Variants in CLEC2B observed in about 807,000 individuals in gnomAD.
The protein encoded by CLEC2B is C-type lectin domain family 2 member B.
In CLEC2B, 14 loss-of-function variants were observed where a neutral mutation model predicts 16.2. The observed-to-expected ratio is 0.86, with a 90% confidence interval of 0.57 to 1.35. CLEC2B has a LOEUF of 1.35. Ranked by LOEUF, CLEC2B falls within the 40% of genes most tolerant of loss-of-function variation. The pLI is 0.00. For synonymous variants in CLEC2B, 42 were observed against 55.8 expected (o/e 0.75, Z 1.10); for missense variants, 166 against 182.3 (o/e 0.91, Z 0.52).
intron 1 of CLEC2B, among the ~76,000 whole-genome samples, chr12:9,865,735 A>G (rs998309107): frequency 1.8e-4 from 28 of 152,200 alleles, no homozygotes; most frequent in African/African-American, 6.5e-4. Context: ...AGCATTCTCC[A>G]GAACAGACCA....
At chr12:9,866,298 A>T (rs1867969741) in intron 1 of CLEC2B, among the ~76,000 whole-genome samples, 1 of 152,128 alleles carries the variant, frequency 6.6e-6, no homozygotes, top group South Asian at 2.1e-4. Context: ...TAAATATGTC[A>T]GTATGTCATT....
At position 9,853,085 on chromosome 12, in the gene CLEC2B, G is replaced by GAAAGAAAGAAAGAAAGAA. The variant is rs1555123321; in HGVS notation, c.*214_*215insTTCTTTCTTTCTTTCTTT. Reference sequence around the variant, plus strand: ...AGAAAGAAAGAAAGAAAGAAAGAAAGAGAGAGAGAGAAAGAAAGAAAGAAA... The same window carrying GAAAGAAAGAAAGAAAGAA: ...AGAAAGAAAGAAAGAAAGAAAGAAAGAAAGAAAGAAAGAAAGAAAGAGAGAGAGAAAGAAAGAAAGAAA... On this transcript the variant is annotated 3_prime_UTR_variant, in exon 5 of 5. Coordinates refer to ENST00000228438, the MANE Select transcript of CLEC2B (RefSeq NM_005127.3). The GAAAGAAAGAAAGAAAGAA allele has an allele frequency of 1.4e-4, 44 of 316,058 alleles. No individual in the cohort carries two copies. Among genetic ancestry groups the GAAAGAAAGAAAGAAAGAA allele is most frequent in the Admixed American group, 2.2e-4 (4 of 18,372 alleles). 19.6% of individuals were successfully genotyped at this position (316,058 alleles called of 1,614,324 possible).
intron 3 of CLEC2B, chr12:9,857,192 A>G (rs1172279284): frequency 8.6e-6 from 2 of 231,624 alleles, no homozygotes; most frequent in Non-Finnish European, 1.7e-5. Context: ...TTGGTGGAGT[A>G]TTGGCTCTTA....
chr12:9,861,078 C>T (rs1867929397), intron 2 of CLEC2B, among the ~76,000 whole-genome samples: 1 of 151,866 alleles, frequency 6.6e-6, no homozygotes, highest in Admixed American at 6.6e-5. Flanking sequence ...GAGAAAGACA[C>T]AATTACACTA....
intron 1 of CLEC2B, among the ~76,000 whole-genome samples, chr12:9,863,072 A>G (rs920446306): frequency 6.6e-6 from 1 of 152,128 alleles, no homozygotes; most frequent in African/African-American, 2.4e-5. Context: ...GTCAACTTAG[A>G]GTGGCTGTCG....
At chr12:9,857,701 A>C (rs2136978042) in intron 2 of CLEC2B, 64 bp from the exon 3 acceptor site, 1 of 1,235,564 alleles carries the variant, frequency 8.1e-7, no homozygotes. Context: ...GTGTTTTGAG[A>C]TCACTGGACA....
intron 1 of CLEC2B, among the ~76,000 whole-genome samples, chr12:9,863,567 T>G (rs1374778880): frequency 4.6e-5 from 7 of 152,026 alleles, no homozygotes. Flanking sequence ...AAAAAACAAT[T>G]CAGAAATATA....
intron 4 of CLEC2B, 80 bp downstream of exon 4, chr12:9,854,301 G>C: frequency 3.4e-6 from 3 of 875,330 alleles, no homozygotes; most frequent in South Asian, 3.3e-5. Context: ...TTGGGCTCTA[G>C]AGAAATTTAG....
chr12:9,861,765 T>A (rs190363310), intron 2 of CLEC2B, among the ~76,000 whole-genome samples: 6 of 152,162 alleles, frequency 3.9e-5, no homozygotes, highest in African/African-American at 1.4e-4. Flanking sequence ...AAAAATAATT[T>A]TTACATTTTA....
Position 9,856,070 on chromosome 12 carries a change from C to T in CLEC2B, c.237+1404G>A, listed in dbSNP as rs114673590. 3.6e-3 allele frequency among the ~76,000 whole-genome samples: 547 copies of T among 152,060 alleles called. 1 individual carries two copies. Among genetic ancestry groups the T allele is most frequent in the African/African-American group, 0.013 (519 of 41,516 alleles). On this transcript the variant is annotated intron_variant, in intron 3 of 4. Transcript: ENST00000228438. ...CATCCAAACAGTACAAGCATTCTTCCCTGATACATTTGAAGATTTCTCTTA... is the reference window on the plus strand; with the variant it reads ...CATCCAAACAGTACAAGCATTCTTCTCTGATACATTTGAAGATTTCTCTTA...
At position 9,863,388 on chromosome 12, in the gene CLEC2B, C is replaced by T. The variant is rs1410247377; in HGVS notation, c.-2-815G>A. Among the ~76,000 whole-genome samples, 3 of 151,994 alleles carry T rather than the reference C, an allele frequency of 2.0e-5. No homozygotes were observed. In the South Asian group the frequency reaches 6.2e-4, roughly 32 times the overall value. On this transcript the variant is annotated intron_variant, in intron 1 of 4. Transcript: ENST00000228438. ...CATATAAAATCCTTCAACACAAAGA[C>T]ATAGATGCATATCCATAAGAAACAA... is the stretch of plus-strand genomic sequence containing the variant.
At position 9,853,203 on chromosome 12, in the gene CLEC2B, GTACAAAACTCGAACTTTGTTTAA is replaced by G. The variant is rs1467851220; in HGVS notation, c.*74_*96del. On this transcript the variant is annotated 3_prime_UTR_variant, in exon 5 of 5. Coordinates refer to ENST00000228438, the MANE Select transcript of CLEC2B (RefSeq NM_005127.3). ...CACGTAAGCAGAATTAACCAGACAG[GTACAAAACTCGAACTTTGTTTAA>G]TTAAAAAAGTACTTTGCTGGTTTTA... 3 of 937,908 alleles carry G rather than the reference GTACAAAACTCGAACTTTGTTTAA, an allele frequency of 3.2e-6. No individual in the cohort carries two copies. Among genetic ancestry groups the G allele is most frequent in the African/African-American group, 3.3e-5 (2 of 61,500 alleles). The allele number at this position is 937,908 out of a possible 1,614,324, so 58.1% of individuals were successfully genotyped here.
intron 1 of CLEC2B, among the ~76,000 whole-genome samples, chr12:9,867,707 G>A (rs1867982644): frequency 6.6e-6 from 1 of 152,066 alleles, no homozygotes; most frequent in African/African-American, 2.4e-5. Context: ...TGCTTAAAAG[G>A]ACACTTCCCC....
rs1565513932 is a variant in CLEC2B at position 9,852,596 on chromosome 12, CT to C, written c.*703del. 6.6e-6 allele frequency among the ~76,000 whole-genome samples: 1 copy of C among 152,176 alleles called. No homozygotes were observed. Among genetic ancestry groups the C allele is most frequent in the African/African-American group, 2.4e-5 (1 of 41,436 alleles). ...TGTGTGCCCTGAGTGCCTTTTTCCC[CT>C]GGCCTGTCTACCCTGTTTTAGTTGC... is the stretch of plus-strand genomic sequence containing the variant. On this transcript the variant is annotated 3_prime_UTR_variant, in exon 5 of 5. Transcript: ENST00000228438.
At chr12:9,854,133 G>A (rs1210309221) in intron 4 of CLEC2B, among the ~76,000 whole-genome samples, 1 of 152,016 alleles carries the variant, frequency 6.6e-6, no homozygotes, top group Non-Finnish European at 1.5e-5. Context: ...TGGGGTGGGG[G>A]GAGTTGTGTA....
rs1386519871 is a variant in CLEC2B, at chr12:9,852,964, T to TCA, written c.*335_*336insTG. On this transcript the variant is annotated 3_prime_UTR_variant, in exon 5 of 5. Coordinates refer to ENST00000228438, the MANE Select transcript of CLEC2B (RefSeq NM_005127.3). The stretch of plus-strand genomic sequence containing the variant: ...AATAGGCCATAATCTCCTATTCTGG[T>TCA]ACTCAAATTGTTCCATATTGGGTCA... 1 of 220,328 alleles carries TCA rather than the reference T, an allele frequency of 4.5e-6. No homozygotes were observed. The highest frequency in any genetic ancestry group is 9.1e-6 in the Non-Finnish European group (1 of 109,686). 13.6% of individuals were successfully genotyped at this position (220,328 alleles called of 1,614,324 possible). A position where few individuals can be genotyped will look rare whatever the true frequency, so the allele number is the denominator to read the frequency against.
At chr12:9,854,239 A>C in intron 4 of CLEC2B, 142 bp downstream of exon 4, 29 of 498,184 alleles carry the variant, frequency 5.8e-5, no homozygotes, top group East Asian at 1.4e-4. Flanking sequence ...CCTTACATGA[A>C]TCTCAATATA....
intron 3 of CLEC2B, chr12:9,857,023 G>C (rs1043930978): frequency 1.3e-5 from 2 of 153,816 alleles, no homozygotes; most frequent in African/African-American, 4.8e-5. Flanking sequence ...AGGAAATTTT[G>C]ATTTTCCTCT....
chr12:9,862,424 G>T (rs1410288244), intron 2 of CLEC2B, 75 bp downstream of exon 2: 5 of 1,276,742 alleles, frequency 3.9e-6, no homozygotes, highest in Non-Finnish European at 5.2e-6. Flanking sequence ...ACTGAGAAAA[G>T]ATCATGACTG....
Sources: allele counts gnomAD v4.1 joint callset (sites outside exome capture counted in the v4.1 genomes callset), GRCh38; gene constraint gnomAD v4.1.1; transcripts MANE v1.5; gene names NCBI Gene and HGNC (gene_info 2026-07-23, HGNC 2026-07-21).